Variants in PPP3CA observed in about 807,000 individuals in gnomAD.
PPP3CA encodes the protein CAM-PRP catalytic subunit.
PPP3CA carries 14 observed loss-of-function variants against 66.5 expected under a neutral mutation model. The ratio of observed to expected loss-of-function variants is 0.21; its 90% confidence interval spans 0.14 to 0.33. The LOEUF (loss-of-function observed/expected upper bound fraction) is 0.33, where lower values mean the gene tolerates loss of function less well. PPP3CA is among the 10% of genes least tolerant of loss of function. The pLI is 1.00. For missense variants in PPP3CA, 317 were observed against 639.5 expected (o/e 0.50, Z 5.44); for synonymous variants, 232 against 226.2 (o/e 1.03, Z -0.23).
rs1388981809 is a variant in PPP3CA at position 101,166,708 on chromosome 4, G to A, written c.259+29208C>T. 2.6e-5 allele frequency among the ~76,000 whole-genome samples: 4 copies of A among 152,216 alleles called. 1 individual carries two copies. Among genetic ancestry groups the A allele is most frequent in the Admixed American group, 6.5e-5 (1 of 15,274 alleles). ...GAAGCCAATATTTGAAAAGTATTTA[G>A]TTCATCATTTAAAAGACGGATAAAA... On this transcript the variant is annotated intron_variant, in intron 2 of 13. Coordinates refer to ENST00000394854, the MANE Select transcript of PPP3CA (RefSeq NM_000944.5).
intron 1 of PPP3CA, among the ~76,000 whole-genome samples, chr4:101,228,637 CA>C (rs1164257128): frequency 6.6e-6 from 1 of 151,280 alleles, no homozygotes; most frequent in Non-Finnish European, 1.5e-5. Context: ...TCTTTCCTGC[CA>C]AAAAAATAAT....
chr4:101,335,203 T>C (rs1729586440), intron 1 of PPP3CA, among the ~76,000 whole-genome samples: 1 of 152,120 alleles, frequency 6.6e-6, no homozygotes, highest in South Asian at 2.1e-4. Context: ...GTCTCCTTCA[T>C]ATCTCAGTGA....
At chr4:101,145,890 G>T (rs1308828040) in intron 2 of PPP3CA, among the ~76,000 whole-genome samples, 3 of 151,972 alleles carry the variant, frequency 2.0e-5, no homozygotes, top group African/African-American at 7.2e-5. Flanking sequence ...GAATACAAAA[G>T]CATTTTGTTC....
chr4:101,187,508 C>T (rs1224695212), intron 2 of PPP3CA, among the ~76,000 whole-genome samples: 1 of 152,056 alleles, frequency 6.6e-6, no homozygotes, highest in African/African-American at 2.4e-5. Context: ...CTAGCTTTCA[C>T]CTACCTTTGA....
At chr4:101,185,924 T>C (rs575211187) in intron 2 of PPP3CA, among the ~76,000 whole-genome samples, 10 of 152,304 alleles carry the variant, frequency 6.6e-5, no homozygotes, top group Admixed American at 4.6e-4. Context: ...AAAGAACACC[T>C]ATCTCCCAGA....
chr4:101,288,977 C>A (rs375691839), intron 1 of PPP3CA, among the ~76,000 whole-genome samples: 1 of 152,090 alleles, frequency 6.6e-6, no homozygotes, highest in African/African-American at 2.4e-5. Context: ...AAGTGAGGGT[C>A]ATCAGCAATA....
At chr4:101,133,269 G>A (rs1414211199) in intron 2 of PPP3CA, among the ~76,000 whole-genome samples, 2 of 152,138 alleles carry the variant, frequency 1.3e-5, no homozygotes, top group South Asian at 4.1e-4. Context: ...GCAAGAGAAA[G>A]AAATAAAGGT....
chr4:101,264,087 G>A (rs73833302), intron 1 of PPP3CA, among the ~76,000 whole-genome samples: 9,384 of 152,104 alleles, frequency 0.062, 916 homozygotes, highest in African/African-American at 0.21. Context: ...CCCCAATATC[G>A]AAGTCTATGT....
At chr4:101,070,808 G>A (rs1193679745) in intron 8 of PPP3CA, among the ~76,000 whole-genome samples, 1 of 152,150 alleles carries the variant, frequency 6.6e-6, no homozygotes. Flanking sequence ...ATTTGGGGCT[G>A]ATAATTGATC....
At chr4:101,226,085 C>A (rs2659523) in intron 1 of PPP3CA, among the ~76,000 whole-genome samples, 6 of 151,628 alleles carry the variant, frequency 4.0e-5, no homozygotes, top group African/African-American at 1.5e-4. Context: ...TTCTACATGA[C>A]AAAAACCTTA....
At chr4:101,312,652 T>C (rs922979189) in intron 1 of PPP3CA, among the ~76,000 whole-genome samples, 2 of 152,076 alleles carry the variant, frequency 1.3e-5, no homozygotes, top group African/African-American at 4.8e-5. Flanking sequence ...TAGTAAAATG[T>C]GGTCTGAAAA....
Position 101,093,828 on chromosome 4 carries a change from T to A in PPP3CA, c.730A>T (p.Thr244Ser). ...DPLEDFGNEK[T>S]QEHFTHNTVR... The stretch of plus-strand genomic sequence containing the variant: ...GTGTTGTGAGTGAAATGTTCCTGAG[T>A]CTTCTCATTTCCAAAATCTTCCAGG... Residue 244 changes from threonine (T) to serine (S), a missense_variant, in exon 6 of 14, where the codon ACT (threonine) becomes TCT (serine). Thr to Ser is a moderately conservative substitution (Grantham distance 58, BLOSUM62 1). Transcript: ENST00000394854. The A allele has an allele frequency of 6.2e-7, 1 of 1,613,220 alleles. No individual in the cohort carries two copies. Among genetic ancestry groups the A allele is most frequent in the South Asian group, 1.1e-5 (1 of 90,926 alleles).
chr4:101,334,432 C>T (rs758178007), intron 1 of PPP3CA, among the ~76,000 whole-genome samples: 3 of 152,224 alleles, frequency 2.0e-5, no homozygotes, highest in Non-Finnish European at 4.4e-5. Context: ...CCGCGCCCAA[C>T]CCCCGAGTGA....
intron 1 of PPP3CA, among the ~76,000 whole-genome samples, chr4:101,243,717 T>A (rs890380190): frequency 5.3e-5 from 8 of 152,232 alleles, no homozygotes; most frequent in African/African-American, 1.9e-4. Context: ...CTAGAACCAA[T>A]CCCACATGGT....
In PPP3CA at chr4:101,063,339, T is replaced by C; in HGVS notation, c.974A>G (p.Glu325Gly). ...TTGCCTGATATTCATAACATTGTTC[T>C]CATACTTCAATACTGCAGCTAAAAA... ...YNNKAAVLKY[E>G]NNVMNIRQFN... Residue 325 changes from glutamate to glycine, a missense_variant, in exon 9 of 14, where the codon GAG (glutamate) becomes GGG (glycine). By Grantham distance (98) the Glu-to-Gly change is moderately conservative. This residue lies in a region of PPP3CA where 201 missense variants were observed against 501.4 expected (regional missense o/e 0.40). Coordinates refer to ENST00000394854, the MANE Select transcript of PPP3CA (RefSeq NM_000944.5). 6.2e-7 allele frequency: 1 copy of C among 1,609,466 alleles called. No individual in the cohort carries two copies. The highest frequency in any genetic ancestry group is 8.5e-7 in the Non-Finnish European group (1 of 1,177,498).
At chr4:101,254,435 A>T (rs1293070022) in intron 1 of PPP3CA, among the ~76,000 whole-genome samples, 2 of 151,924 alleles carry the variant, frequency 1.3e-5, no homozygotes, top group African/African-American at 4.8e-5. Flanking sequence ...TGCATTTTAA[A>T]TTTTTTTAAA....
chr4:101,138,544 A>T (rs934480809), intron 2 of PPP3CA, among the ~76,000 whole-genome samples: 1 of 152,204 alleles, frequency 6.6e-6, no homozygotes, highest in African/African-American at 2.4e-5. Context: ...TTATCTACTG[A>T]AAAGTTATCC....
intron 1 of PPP3CA, among the ~76,000 whole-genome samples, chr4:101,277,457 GTT>G (rs1016834972): frequency 2.0e-5 from 3 of 152,142 alleles, no homozygotes; most frequent in African/African-American, 7.2e-5. Flanking sequence ...CACTTGATTT[GTT>G]TAAATGTCCC....
intron 1 of PPP3CA, among the ~76,000 whole-genome samples, chr4:101,199,035 AC>A (rs1724888631): frequency 6.6e-6 from 1 of 152,152 alleles, no homozygotes; most frequent in African/African-American, 2.4e-5. Flanking sequence ...GATGCCAAAG[AC>A]TGAACACAGA....
Sources: allele counts gnomAD v4.1 joint callset (sites outside exome capture counted in the v4.1 genomes callset), GRCh38; gene constraint gnomAD v4.1.1; regional missense constraint gnomAD v4.1.1; transcripts MANE v1.5; gene names NCBI Gene and HGNC (gene_info 2026-07-23, HGNC 2026-07-21).